Variants in GPN3 observed in about 807,000 individuals in gnomAD.
GPN3 encodes the protein GPN-loop GTPase 3.
A neutral mutation model predicts 38.7 loss-of-function variants in GPN3; 31 were observed. That is an observed-to-expected ratio of 0.80 (90% CI 0.60 to 1.08). The LOEUF is 1.08. Ranked by LOEUF, GPN3 falls within the 50% of genes least tolerant of loss-of-function variation. The pLI is 0.00. For missense variants in GPN3, 301 were observed against 354.4 expected (o/e 0.85, Z 1.21); for synonymous variants, 116 against 120.2 (o/e 0.96, Z 0.23).
At chr12:110,457,389 T>A in intron 4 of GPN3, 121 bp downstream of exon 4, 1 of 641,238 alleles carries the variant, frequency 1.6e-6, no homozygotes, top group South Asian at 3.6e-5. Flanking sequence ...GAGGCGGAGG[T>A]TGCAGTGAGC....
chr12:110,466,280 C>T (rs2062627006), intron 1 of GPN3, among the ~76,000 whole-genome samples: 1 of 151,996 alleles, frequency 6.6e-6, no homozygotes, highest in Non-Finnish European at 1.5e-5. Context: ...ATGTTTTTTT[C>T]CCCATACAAC....
intron 2 of GPN3, 112 bp from the exon 3 acceptor site, chr12:110,459,974 A>G: frequency 1.2e-6 from 1 of 806,734 alleles, no homozygotes; most frequent in South Asian, 1.7e-5. Flanking sequence ...TATGCAGGAA[A>G]TTATTTATGT....
Position 110,459,838 on chromosome 12 carries a change from T to C in GPN3, c.182A>G (p.Asp61Gly). The C allele has an allele frequency of 9.9e-6, 16 of 1,614,014 alleles. No homozygotes were observed. The highest frequency in any genetic ancestry group is 1.4e-5 in the Non-Finnish European group (16 of 1,179,892). ...CAGAGAATCATCCTCCATTACATCA[T>C]CCACCTCGATCAGTTCCCGGATGTC... ...MADIRELIEV[D>G]DVMEDDSLRF... is the part of the protein sequence containing the mutation. Residue 61 changes from aspartate (D) to glycine (G), a missense_variant, in exon 3 of 8, where the codon GAT becomes GGT. Asp to Gly is a moderately conservative substitution (Grantham distance 94, BLOSUM62 -1). Transcript: ENST00000228827.
rs1420607870 is a variant in GPN3, at chr12:110,467,002, T to G, written c.48+1154A>C. 5.3e-5 allele frequency among the ~76,000 whole-genome samples: 8 copies of G among 152,046 alleles called. No individual in the cohort carries two copies. The East Asian group carries it at 1.6e-3, about 30-fold the overall frequency. ...TCTAGTGTTTCCACACTTCTTCTTT[T>G]TTTTTTTTGCGACAGTACCTCTGTC... On this transcript the variant is annotated intron_variant, in intron 1 of 7. Transcript: ENST00000228827.
At chr12:110,459,891 T>C (rs1390427884) in intron 2 of GPN3, 29 bp from the exon 3 acceptor site, 1 of 1,564,930 alleles carries the variant, frequency 6.4e-7, no homozygotes, top group Non-Finnish European at 8.7e-7. Flanking sequence ...GCCCAGAATA[T>C]ATGTGTCCCT....
intron 2 of GPN3, among the ~76,000 whole-genome samples, chr12:110,463,619 A>C (rs2062607170): frequency 9.0e-6 from 1 of 110,992 alleles, no homozygotes; most frequent in South Asian, 2.6e-4. Context: ...AAAAAAAAAA[A>C]AAAAAAAAAA....
chr12:110,457,651 G>A lies in GPN3; in HGVS notation c.326-17C>T, dbSNP rs376466112. On this transcript the variant is annotated splice_polypyrimidine_tract_variant and intron_variant, in intron 3 of 7. Transcript: ENST00000228827. ...CAATCTGACCTACATGAAGAGTATT[G>A]CAAGAATTTTAGAAATAGCAAGTAT... The A allele has an allele frequency of 6.4e-6, 10 of 1,558,160 alleles. No individual in the cohort carries two copies. Among genetic ancestry groups the A allele is most frequent in the Non-Finnish European group, 8.7e-6 (10 of 1,150,516 alleles).
At chr12:110,460,913 A>C in intron 2 of GPN3, 4 of 741,472 alleles carry the variant, frequency 5.4e-6, no homozygotes, top group Non-Finnish European at 9.6e-6. Flanking sequence ...GCAGTGAGCC[A>C]AGATCACGCC....
intron 2 of GPN3, 66 bp from the exon 3 acceptor site, chr12:110,459,928 T>C (rs1418930119): frequency 2.0e-5 from 26 of 1,312,244 alleles, no homozygotes; most frequent in South Asian, 6.4e-5. Context: ...TTACTAGAAA[T>C]AGAACATAAA....
chr12:110,460,098 A>T (rs1555201871), intron 2 of GPN3, among the ~76,000 whole-genome samples: 1 of 152,230 alleles, frequency 6.6e-6, no homozygotes, highest in Non-Finnish European at 1.5e-5. Flanking sequence ...CTCTTTAAGT[A>T]TTAATAATAA....
intron 1 of GPN3, 54 bp downstream of exon 1, chr12:110,468,102 C>T: frequency 1.9e-6 from 3 of 1,613,926 alleles, no homozygotes; most frequent in Non-Finnish European, 2.5e-6. Context: ...AGGACCCAAT[C>T]TCCCGCCTTC....
intron 1 of GPN3, among the ~76,000 whole-genome samples, chr12:110,466,878 G>A (rs2062632882): frequency 6.6e-6 from 1 of 152,038 alleles, no homozygotes; most frequent in African/African-American, 2.4e-5. Context: ...AAAGGCCATA[G>A]GTATCTTAGT....
At chr12:110,460,945 CAGAGCA>C (rs2062583152) in intron 2 of GPN3, 1 of 942,632 alleles carries the variant, frequency 1.1e-6, no homozygotes, top group African/African-American at 1.6e-5. Flanking sequence ...GCCCAGGCGA[CAGAGCA>C]AGACTCCATC....
intron 1 of GPN3, among the ~76,000 whole-genome samples, chr12:110,466,797 C>T (rs2062631834): frequency 6.6e-6 from 1 of 152,016 alleles, no homozygotes; most frequent in Non-Finnish European, 1.5e-5. Flanking sequence ...CACCTGGCCA[C>T]ATCACACTGT....
Position 110,453,046 on chromosome 12 carries a change from G to T in GPN3, c.843C>A (p.Cys281Ter). Residue 281 changes from cysteine to a stop codon, truncating the protein, a stop_gained, in exon 8 of 8, where the codon TGC (cysteine) becomes TGA (stop). Transcript: ENST00000228827. LOFTEE classifies it high-confidence loss of function. ...SSMFDEYFQE[C>*]QDE ...TTTAGTAAACTCTTCATTCATCCTG[G>T]CATTCTTGAAAATATTCGTCAAACA... 2 of 1,408,734 alleles carry T rather than the reference G, an allele frequency of 1.4e-6. No homozygotes were observed. Among genetic ancestry groups the T allele is most frequent in the Non-Finnish European group, 2.0e-6 (2 of 992,868 alleles). 87.3% of individuals were successfully genotyped at this position (1,408,734 alleles called of 1,614,324 possible).
rs1034931463 is a variant in GPN3, at chr12:110,458,636, C to T, written c.326-1002G>A. ...TCTCTACTAAAAATACAAAAATAGCCGGGTGTGGTGGTGGGTGCCTGTAAT... is the reference window on the plus strand; with the variant it reads ...TCTCTACTAAAAATACAAAAATAGCTGGGTGTGGTGGTGGGTGCCTGTAAT... On this transcript the variant is annotated intron_variant, in intron 3 of 7. Transcript: ENST00000228827. This position sits in a 1 kb window ranked among gnomAD's most constrained non-coding sequence, Gnocchi z 4.4. Among the ~76,000 whole-genome samples the T allele has an allele frequency of 2.0e-5, 3 of 151,864 alleles. No individual in the cohort carries two copies. Among genetic ancestry groups the T allele is most frequent in the African/African-American group, 4.8e-5 (2 of 41,354 alleles).
chr12:110,461,605 A>G (rs1054668698), intron 2 of GPN3, among the ~76,000 whole-genome samples: 4 of 152,012 alleles, frequency 2.6e-5, no homozygotes, highest in Non-Finnish European at 5.9e-5. Context: ...CTCAGGAAAA[A>G]AAAAATCACC....
At chr12:110,457,455 CACA>C (rs2062557835) in intron 4 of GPN3, 52 bp downstream of exon 4, 5 of 1,163,548 alleles carry the variant, frequency 4.3e-6, no homozygotes, top group Non-Finnish European at 5.6e-6. Context: ...CTGTCACACA[CACA>C]AAAAAAAAAA....
rs1464231857 is a variant in GPN3 at position 110,458,840 on chromosome 12, A to ATT, written c.325+853_325+854dup. Among the ~76,000 whole-genome samples, 1 of 151,938 alleles carries ATT rather than the reference A, an allele frequency of 6.6e-6. No individual in the cohort carries two copies. The highest frequency in any genetic ancestry group is 1.5e-5 in the Non-Finnish European group (1 of 68,010). ...TTGGCTTCAGAAGCCATGATGTGCT[A>ATT]TTATCTGTCTCCTACCAGTCACACC... On this transcript the variant is annotated intron_variant, in intron 3 of 7. Coordinates refer to ENST00000228827, the MANE Select transcript of GPN3 (RefSeq NM_016301.4). This position sits in a 1 kb window ranked among gnomAD's most constrained non-coding sequence, Gnocchi z 4.4.
Sources: gnomAD v4.1 joint callset for allele counts (sites outside exome capture counted in the v4.1 genomes callset) on GRCh38, gnomAD v4.1.1 for gene constraint, Gnocchi (gnomAD v3.1) non-coding constraint, MANE v1.5 for transcripts, NCBI Gene and HGNC (gene_info 2026-07-23, HGNC 2026-07-21) for gene names.